The following EXOC5 variants were observed in gnomAD, a reference collection of about 807,000 sequenced individuals.
EXOC5 encodes SEC10-like 1.
Under a neutral mutation model 90.8 loss-of-function variants are expected in EXOC5, and 17 were observed. That is an observed-to-expected ratio of 0.19 (90% CI 0.13 to 0.28). The LOEUF (loss-of-function observed/expected upper bound fraction) is 0.28, where lower values mean the gene tolerates loss of function less well. Among genes scored for constraint, EXOC5 ranks in the 10% least tolerant of loss-of-function variants. The pLI, the probability that EXOC5 is intolerant of heterozygous loss-of-function variation, is 1.00. For synonymous variants in EXOC5, 260 were observed against 270.0 expected, an observed-to-expected ratio of 0.96 and a Z score of 0.36; for missense variants, 569 against 830.6, an observed-to-expected ratio of 0.69 and a Z score of 3.87.
chr14:57,217,774 G>A (rs1030026686), intron 15 of EXOC5, among the ~76,000 whole-genome samples: 14 of 152,040 alleles, frequency 9.2e-5, no homozygotes, highest in African/African-American at 3.4e-4. Flanking sequence ...CATGTTAAAT[G>A]CCAAGATAGT....
At chr14:57,258,992 T>C (rs1215036137) in intron 1 of EXOC5, among the ~76,000 whole-genome samples, 2 of 152,242 alleles carry the variant, frequency 1.3e-5, no homozygotes, top group African/African-American at 2.4e-5. Context: ...CTGCCTATCA[T>C]GTATTTTCCT....
At chr14:57,227,154 C>A (rs898113388) in intron 12 of EXOC5, among the ~76,000 whole-genome samples, 1 of 152,030 alleles carries the variant, frequency 6.6e-6, no homozygotes, top group Non-Finnish European at 1.5e-5. Context: ...AAACACTTCA[C>A]CAGAGAGTAT....
At chr14:57,227,727 G>A (rs1341091753) in intron 12 of EXOC5, among the ~76,000 whole-genome samples, 1 of 152,036 alleles carries the variant, frequency 6.6e-6, no homozygotes, top group South Asian at 2.1e-4. Flanking sequence ...TGTAAACTGC[G>A]TATGCGTATT....
At position 57,230,934 on chromosome 14, in the gene EXOC5, T is replaced by C. The variant is rs567743083; in HGVS notation, c.1148+572A>G. ...AGAAAAAAAAAAATGAAAGAAACTATGGAACTTTTTATATTACTAGTGTTC... is the reference window on the plus strand; with the variant it reads ...AGAAAAAAAAAAATGAAAGAAACTACGGAACTTTTTATATTACTAGTGTTC... On this transcript the variant is annotated intron_variant, in intron 11 of 17. Transcript: ENST00000621441. Among the ~76,000 whole-genome samples, 6 of 151,916 alleles carry C rather than the reference T, an allele frequency of 3.9e-5. No homozygotes were observed. The East Asian group carries it at 5.8e-4, about 15-fold the overall frequency.
intron 9 of EXOC5, 61 bp downstream of exon 9, chr14:57,233,682 T>C: frequency 9.6e-7 from 1 of 1,044,206 alleles, no homozygotes; most frequent in Non-Finnish European, 1.4e-6. Flanking sequence ...ACTTTTAAAA[T>C]ATAGGGAAAA....
intron 1 of EXOC5, 44 bp downstream of exon 1, chr14:57,268,578 C>A: frequency 1.3e-6 from 2 of 1,567,036 alleles, no homozygotes; most frequent in Non-Finnish European, 1.7e-6. Context: ...CAGCTGCCTG[C>A]AAACCCCGGG....
chr14:57,234,069 A>C lies in EXOC5; in HGVS notation c.670-37T>G, dbSNP rs537008098. 6.9e-5 allele frequency: 96 copies of C among 1,383,738 alleles called. No individual in the cohort carries two copies. The South Asian group carries it at 1.0e-3, about 15-fold the overall frequency. The allele number at this position is 1,383,738 out of a possible 1,614,324, so 85.7% of individuals were successfully genotyped here. ...AAACACATTGTTATTATTCTGATTCAATTATAATAATTATTATTTCAAAAA... is the reference window on the plus strand; with the variant it reads ...AAACACATTGTTATTATTCTGATTCCATTATAATAATTATTATTTCAAAAA... On this transcript the variant is annotated intron_variant, in intron 7 of 17. Transcript: ENST00000621441.
At chr14:57,212,870 G>C (rs574465403) in intron 15 of EXOC5, among the ~76,000 whole-genome samples, 5 of 152,206 alleles carry the variant, frequency 3.3e-5, no homozygotes, top group Admixed American at 1.3e-4. Context: ...TGTATTCATT[G>C]CAATGCTGAT....
intron 15 of EXOC5, among the ~76,000 whole-genome samples, chr14:57,210,588 G>T (rs1434031744): frequency 2.6e-5 from 4 of 152,098 alleles, no homozygotes; most frequent in African/African-American, 7.2e-5. Context: ...TTTTGTACAT[G>T]AAACGTTTAT....
chr14:57,220,141 GT>G (rs1222343199), intron 13 of EXOC5, among the ~76,000 whole-genome samples: 1 of 151,916 alleles, frequency 6.6e-6, no homozygotes, highest in African/African-American at 2.4e-5. Flanking sequence ...GACACATAGA[GT>G]TCTTTTTAGA....
intron 7 of EXOC5, among the ~76,000 whole-genome samples, chr14:57,234,443 CAT>C (rs1009783038): frequency 4.1e-5 from 6 of 146,372 alleles, no homozygotes; most frequent in African/African-American, 1.0e-4. Context: ...AAAGGTTTTA[CAT>C]ATATATATGT....
chr14:57,210,007 C>T lies in EXOC5; in HGVS notation c.1668G>A (p.Lys556=), dbSNP rs764037146. The part of the protein sequence containing the change: ...QMKHILAAEQ[K]KTDFKPEDEN... ...CATCTTCTGGCTTAAAATCTGTTTT[C>T]TTCTGTTCTGCAGCCAAAATATGCT... is the stretch of plus-strand genomic sequence containing the variant. The change falls in exon 16 of 18, where the codon AAG becomes AAA. Residue 556 remains lysine, a synonymous_variant. Transcript: ENST00000621441. 112 of 1,599,842 alleles carry T rather than the reference C, an allele frequency of 7.0e-5. No individual in the cohort carries two copies. The highest frequency in any genetic ancestry group is 3.7e-4 in the Middle Eastern group (2 of 5,430).
chr14:57,268,190 T>G (rs1287983899), intron 1 of EXOC5: 1 of 216,086 alleles, frequency 4.6e-6, no homozygotes, highest in Non-Finnish European at 9.3e-6. Flanking sequence ...AGTCCCGATC[T>G]CAAGTGGCTT....
intron 1 of EXOC5, among the ~76,000 whole-genome samples, chr14:57,250,070 C>T (rs1053025371): frequency 6.6e-6 from 1 of 152,122 alleles, no homozygotes; most frequent in African/African-American, 2.4e-5. Context: ...CCAGGCCTGG[C>T]CAGAGTGAGA....
chr14:57,268,406 C>G (rs1216174007), intron 1 of EXOC5: 4 of 1,372,134 alleles, frequency 2.9e-6, no homozygotes, highest in Admixed American at 2.6e-5. Flanking sequence ...CCCTCTCTGC[C>G]GACCGGCCGC....
intron 1 of EXOC5, among the ~76,000 whole-genome samples, chr14:57,254,888 A>G (rs1012005351): frequency 6.6e-6 from 1 of 152,188 alleles, no homozygotes; most frequent in Non-Finnish European, 1.5e-5. Context: ...TGGACTTCTC[A>G]GCCCCCAGAA....
rs374320373 is a variant in EXOC5 at position 57,247,664 on chromosome 14, G to A, written c.76C>T (p.Pro26Ser). 6.4e-7 allele frequency: 1 copy of A among 1,572,912 alleles called. No individual in the cohort carries two copies. Among genetic ancestry groups the A allele is most frequent in the Non-Finnish European group, 8.6e-7 (1 of 1,157,850 alleles). Reference sequence around the variant, plus strand: ...GGTCCACCTCTAGAGCCTCCTCCTGGGGTTCTCCATACAAGACGTTCAATA... The same window carrying A: ...GGTCCACCTCTAGAGCCTCCTCCTGAGGTTCTCCATACAAGACGTTCAATA... ...EYIERLVWRT[P>S]GGGSRGGPEA... Residue 26 changes from proline (P) to serine (S), a missense_variant, in exon 2 of 18, where the codon CCA becomes TCA. Physicochemically the swap from Pro to Ser is moderately conservative, Grantham distance 74 (BLOSUM62 -1). Around this residue, in one of 9 missense-constraint regions of EXOC5, gnomAD observed 10 missense variants for 32.7 expected, o/e 0.31. Transcript: ENST00000621441.
At position 57,204,290 on chromosome 14, in the gene EXOC5, C is replaced by T. The variant is rs1882585370; in HGVS notation, c.*4319G>A. ...TTCTCTAAATGTCAGGTTTCTGTCCCCTATACATTTGAACAGTTGTTTCCT... is the reference window on the plus strand; with the variant it reads ...TTCTCTAAATGTCAGGTTTCTGTCCTCTATACATTTGAACAGTTGTTTCCT... On this transcript the variant is annotated 3_prime_UTR_variant, in exon 18 of 18. Transcript: ENST00000621441. 6.6e-6 allele frequency: 1 copy of T among 152,064 alleles called. No individual in the cohort carries two copies. Among genetic ancestry groups the T allele is most frequent in the African/African-American group, 2.4e-5 (1 of 41,430 alleles). 9.4% of individuals were successfully genotyped at this position (152,064 alleles called of 1,614,324 possible).
rs1594690680 is a variant in EXOC5 at position 57,266,751 on chromosome 14, AT to A, written c.27+1870del. 1.5e-4 allele frequency among the ~76,000 whole-genome samples: 22 copies of A among 150,290 alleles called. No homozygotes were observed. In the Admixed American group the frequency reaches 1.5e-3, roughly 10 times the overall value. On this transcript the variant is annotated intron_variant, in intron 1 of 17. Transcript: ENST00000621441. Reference sequence around the variant, plus strand: ...TGTGTGTGTGTATATATATATATATATAAAACGTATATATATACTACTTAAC... The same window carrying A: ...TGTGTGTGTGTATATATATATATATAAAAACGTATATATATACTACTTAAC...
Sources: allele counts gnomAD v4.1 joint callset (sites outside exome capture counted in the v4.1 genomes callset), GRCh38; gene constraint gnomAD v4.1.1; regional missense constraint gnomAD v4.1.1; transcripts MANE v1.5; gene names NCBI Gene and HGNC (gene_info 2026-07-23, HGNC 2026-07-21).